Variants in RHOU observed in about 807,000 individuals in gnomAD.
The protein encoded by RHOU is rho-related GTP-binding protein RhoU.
In RHOU, 8 loss-of-function variants were observed where a neutral mutation model predicts 12.6. The observed-to-expected ratio is 0.64, with a 90% CI of 0.37 to 1.15. The LOEUF (loss-of-function observed/expected upper bound fraction) is 1.15. Ranked by LOEUF, RHOU falls within the 50% of genes most tolerant of loss-of-function variation. The pLI is 0.01. For missense variants in RHOU, 258 were observed against 347.0 expected (o/e 0.74, Z 2.04); for synonymous variants, 161 against 147.4 (o/e 1.09, Z -0.67).
chr1:228,650,678 G>C, the RHOU span: 1 of 485,576 alleles, frequency 2.1e-6, no homozygotes, highest in African/African-American at 2.0e-5. Context: ...GTTTCAAAGT[G>C]AGAGAGCTCT....
intron 2 of RHOU, among the ~76,000 whole-genome samples, chr1:228,742,837 G>A (rs142334440): frequency 2.0e-5 from 3 of 152,306 alleles, no homozygotes; most frequent in Non-Finnish European, 4.4e-5. Context: ...AGCTGTGTTC[G>A]TAGACTGGGT....
At chr1:228,659,951 T>C in the RHOU span, among the ~76,000 whole-genome samples, 6 of 115,332 alleles carry the variant, frequency 5.2e-5, no homozygotes, top group African/African-American at 2.1e-4. Flanking sequence ...AAACCTGGTC[T>C]CTACAAAAAA....
chr1:228,676,950 A>G, the RHOU span, among the ~76,000 whole-genome samples: 1 of 152,242 alleles, frequency 6.6e-6, no homozygotes, highest in African/African-American at 2.4e-5. Flanking sequence ...CATGCAGGCC[A>G]CAGGGGTTAT....
At chr1:228,650,336 T>C in the RHOU span, 2 of 464,372 alleles carry the variant, frequency 4.3e-6, no homozygotes, top group Non-Finnish European at 8.7e-6. Context: ...CGGCCCTACC[T>C]GGCCTTTACC....
the RHOU span, chr1:228,687,680 G>T: frequency 3.4e-6 from 5 of 1,492,310 alleles, no homozygotes; most frequent in Non-Finnish European, 4.6e-6. Flanking sequence ...ACTTCATTGA[G>T]ACACATTACC....
chr1:228,723,062 C>G, the RHOU span, among the ~76,000 whole-genome samples: 1 of 152,210 alleles, frequency 6.6e-6, no homozygotes, highest in East Asian at 1.9e-4. Flanking sequence ...CTCCCCATTC[C>G]CCTCTCCCTA....
At chr1:228,667,845 T>A in the RHOU span, among the ~76,000 whole-genome samples, 1 of 152,188 alleles carries the variant, frequency 6.6e-6, no homozygotes, top group African/African-American at 2.4e-5. Flanking sequence ...ATTGTGATAT[T>A]GTCATATAAT....
At chr1:228,700,705 CAT>C in the RHOU span, among the ~76,000 whole-genome samples, 1 of 152,124 alleles carries the variant, frequency 6.6e-6, no homozygotes, top group Non-Finnish European at 1.5e-5. Context: ...AATTTTCAAA[CAT>C]ATATTAAAAT....
At chr1:228,670,727 C>T in the RHOU span, among the ~76,000 whole-genome samples, 2 of 152,126 alleles carry the variant, frequency 1.3e-5, no homozygotes, top group Non-Finnish European at 2.9e-5. Context: ...GAGCAGAGGC[C>T]TGGTGGGAGG....
the RHOU span, among the ~76,000 whole-genome samples, chr1:228,668,894 C>T: frequency 6.6e-6 from 1 of 152,178 alleles, no homozygotes; most frequent in South Asian, 2.1e-4. Context: ...TCTGTCCTAT[C>T]GCAGACATGA....
At chr1:228,731,472 G>A (rs763693457), upstream of RHOU, among the ~76,000 whole-genome samples, 1 of 152,176 alleles carries the variant, frequency 6.6e-6, no homozygotes, top group African/African-American at 2.4e-5. Context: ...GGTAAAGCAA[G>A]AGAGGGAGGC....
At chr1:228,707,146 G>A in the RHOU span, among the ~76,000 whole-genome samples, 656 of 70,454 alleles carry the variant, frequency 9.3e-3, no homozygotes, top group Middle Eastern at 0.028. Context: ...ATATATATAT[G>A]TATATATATA....
chr1:228,678,774 T>C, the RHOU span, among the ~76,000 whole-genome samples: 1 of 151,794 alleles, frequency 6.6e-6, no homozygotes, highest in African/African-American at 2.4e-5. Context: ...ATGCATCAGG[T>C]GTGAGGAAGA....
chr1:228,689,701 A>T, the RHOU span, among the ~76,000 whole-genome samples: 4 of 151,542 alleles, frequency 2.6e-5, no homozygotes, highest in Admixed American at 2.6e-4. Flanking sequence ...CTCAAACCCT[A>T]TTGTGAACTG....
At chr1:228,671,164 C>T in the RHOU span, among the ~76,000 whole-genome samples, 4 of 151,950 alleles carry the variant, frequency 2.6e-5, no homozygotes, top group Admixed American at 1.3e-4. Flanking sequence ...ATCATCATGC[C>T]CAGCTAATTT....
chr1:228,709,334 A>G, the RHOU span, among the ~76,000 whole-genome samples: 1 of 144,120 alleles, frequency 6.9e-6, no homozygotes, highest in Admixed American at 7.0e-5. Context: ...AGAACTCTCC[A>G]CCCCAAATCA....
chr1:228,711,970 A>C, the RHOU span, among the ~76,000 whole-genome samples: 123 of 137,522 alleles, frequency 8.9e-4, 1 homozygote, highest in Admixed American at 3.3e-3. Context: ...CAAGAAAAAA[A>C]CAAACAACCC....
At chr1:228,724,489 A>AT in the RHOU span, among the ~76,000 whole-genome samples, 1 of 152,006 alleles carries the variant, frequency 6.6e-6, no homozygotes, top group Admixed American at 6.6e-5. Context: ...TTTGGTAAGA[A>AT]TTTTTTTTGT....
At chr1:228,703,236 G>A in the RHOU span, among the ~76,000 whole-genome samples, 1 of 152,136 alleles carries the variant, frequency 6.6e-6, no homozygotes, top group African/African-American at 2.4e-5. Context: ...TCCTATAAAA[G>A]TGTTTTGGGG....
Sources: gnomAD v4.1 joint callset for allele counts (sites outside exome capture counted in the v4.1 genomes callset) on GRCh38, gnomAD v4.1.1 for gene constraint, MANE v1.5 for transcripts, NCBI Gene and HGNC (gene_info 2026-07-23, HGNC 2026-07-21) for gene names.